RFPL2: variants seen among roughly 807,000 people sequenced by gnomAD.
RFPL2 encodes the protein ret finger protein like 2, also known as ret finger protein-like 2.
RFPL2 carries 13 observed loss-of-function variants against 17.8 expected under a neutral mutation model. The ratio of observed to expected loss-of-function variants is 0.73; its 90% CI spans 0.47 to 1.16. RFPL2 has a LOEUF of 1.16. Among genes scored for constraint, RFPL2 ranks in the 50% most tolerant of loss-of-function variants. The pLI is 0.00. For synonymous variants in RFPL2, 189 were observed against 180.9 expected (o/e 1.04, Z -0.36); for missense variants, 431 against 479.3 (o/e 0.90, Z 0.94).
intron 2 of RFPL2, among the ~76,000 whole-genome samples, chr22:32,197,774 A>G (rs1923503409): frequency 6.6e-6 from 1 of 152,184 alleles, no homozygotes; most frequent in African/African-American, 2.4e-5. Flanking sequence ...TCCATGGTGC[A>G]TATGTACCAC....
intron 1 of RFPL2, among the ~76,000 whole-genome samples, 177 bp downstream of exon 1, chr22:32,204,530 T>C (rs1240747965): frequency 6.6e-6 from 1 of 151,320 alleles, no homozygotes; most frequent in Middle Eastern, 3.2e-3. Context: ...ATCCAACCTG[T>C]CCCCCTCCCC....
chr22:32,190,549 A>G lies in RFPL2; in HGVS notation c.*223T>C, dbSNP rs564211823. 3.2e-4 allele frequency: 132 copies of G among 417,312 alleles called. No homozygotes were observed. The highest frequency in any genetic ancestry group is 1.9e-3 in the Middle Eastern group (3 of 1,608). The allele number at this position is 417,312 out of a possible 1,614,324, so 25.9% of individuals were successfully genotyped here. A position where few individuals can be genotyped will look rare whatever the true frequency, so the allele number is the denominator to read the frequency against. On this transcript the variant is annotated 3_prime_UTR_variant, in exon 5 of 5. Transcript: ENST00000652607. The stretch of plus-strand genomic sequence containing the variant: ...TGATCCCAGAATACAGGACATTTCT[A>G]TAGGAAACAAGATGTGAACCATAGG...
Position 32,194,985 on chromosome 22 carries a change from A to G in RFPL2, c.120-495T>C, listed in dbSNP as rs939788137. On this transcript the variant is annotated intron_variant, in intron 2 of 4. Transcript: ENST00000652607. ...TGAGTACTTCACAGAGTGTTAAGATAAAAGTCACAATTTAAAAAAAAAGAT... is the reference window on the plus strand; with the variant it reads ...TGAGTACTTCACAGAGTGTTAAGATGAAAGTCACAATTTAAAAAAAAAGAT... Among the ~76,000 whole-genome samples, 4 of 152,222 alleles carry G rather than the reference A, an allele frequency of 2.6e-5. 1 individual carries two copies. The highest frequency in any genetic ancestry group is 5.9e-5 in the Non-Finnish European group (4 of 68,040).
At chr22:32,198,898 C>T (rs1308230130) in intron 2 of RFPL2, among the ~76,000 whole-genome samples, 1 of 152,130 alleles carries the variant, frequency 6.6e-6, no homozygotes, top group African/African-American at 2.4e-5. Flanking sequence ...TTCTGTCCTC[C>T]CCCGTCTGGG....
chr22:32,191,275 G>T lies in RFPL2; in HGVS notation c.634C>A (p.Arg212Ser), dbSNP rs771753433. 6.9e-5 allele frequency: 111 copies of T among 1,613,808 alleles called. No homozygotes were observed. The highest frequency in any genetic ancestry group is 8.6e-5 in the Non-Finnish European group (101 of 1,179,870). Residue 212 changes from arginine to serine, a missense_variant, in exon 5 of 5, where the codon CGC (arginine) becomes AGC (serine). By Grantham distance (110) the Arg-to-Ser change is moderately radical. Transcript: ENST00000652607. Reference sequence around the variant, plus strand: ...AGGTCTTGCCGATTCTGTCTGATGCGCCCACTTCGGACGCTCCTGAGGTCG... The same window carrying T: ...AGGTCTTGCCGATTCTGTCTGATGCTCCCACTTCGGACGCTCCTGAGGTCG... ...SDDLRSVRSGRIRQNRQDLAE... is the reference protein window; with the variant it reads ...SDDLRSVRSGSIRQNRQDLAE...
chr22:32,194,656 C>T (rs1923133001), intron 2 of RFPL2, among the ~76,000 whole-genome samples, 166 bp from the exon 3 acceptor site: 1 of 152,116 alleles, frequency 6.6e-6, no homozygotes, highest in Admixed American at 6.5e-5. Context: ...ACTTCAAAAG[C>T]TTATTTTAGA....
chr22:32,200,980 A>G lies in RFPL2; in HGVS notation c.119+1353T>C, dbSNP rs1220016183. Reference sequence around the variant, plus strand: ...AGGTGGCTCAGGATGCTTGTGAAAGATAGTATCTGAGCTCCGCAGGAAACA... The same window carrying G: ...AGGTGGCTCAGGATGCTTGTGAAAGGTAGTATCTGAGCTCCGCAGGAAACA... On this transcript the variant is annotated intron_variant, in intron 2 of 4. Coordinates refer to ENST00000652607, the MANE Select transcript of RFPL2 (RefSeq NM_001394555.1). Among the ~76,000 whole-genome samples the G allele has an allele frequency of 2.0e-5, 3 of 151,732 alleles. No homozygotes were observed. In the East Asian group the frequency reaches 5.8e-4, roughly 29 times the overall value.
In RFPL2 at chr22:32,191,296, G is replaced by C; in HGVS notation, c.613C>G (p.Leu205Val). 2 of 1,613,922 alleles carry C rather than the reference G, an allele frequency of 1.2e-6. No individual in the cohort carries two copies. The highest frequency in any genetic ancestry group is 1.7e-6 in the Non-Finnish European group (2 of 1,179,838). The change falls in exon 5 of 5, where the codon CTC becomes GTC. Residue 205 changes from leucine to valine, a missense_variant. Physicochemically the swap from Leu to Val is conservative, Grantham distance 32 (BLOSUM62 1). Coordinates refer to ENST00000652607, the MANE Select transcript of RFPL2 (RefSeq NM_001394555.1). The stretch of plus-strand genomic sequence containing the variant: ...ATGCGCCCACTTCGGACGCTCCTGA[G>C]GTCGTCAGAAATGAGGAGGAAGTTG... ...ANNFLLISDD[L>V]RSVRSGRIRQ...
chr22:32,191,397 A>G (rs1484979913), intron 4 of RFPL2, 45 bp from the exon 5 acceptor site: 6 of 1,560,298 alleles, frequency 3.8e-6, no homozygotes, highest in Non-Finnish European at 5.2e-6. Flanking sequence ...ACAGAAACCA[A>G]CCCTATGCCT....
At chr22:32,193,883 AAAAG>A (rs1432798721) in intron 3 of RFPL2, among the ~76,000 whole-genome samples, 3 of 150,780 alleles carry the variant, frequency 2.0e-5, no homozygotes, top group African/African-American at 7.3e-5. Flanking sequence ...AAAAAAAAAA[AAAAG>A]AGGGGCTGGA....
At chr22:32,203,809 C>T (rs1924233632) in intron 1 of RFPL2, among the ~76,000 whole-genome samples, 2 of 151,786 alleles carry the variant, frequency 1.3e-5, no homozygotes, top group African/African-American at 4.8e-5. Flanking sequence ...CTCAACAAGC[C>T]CCTCCACTGA....
chr22:32,190,708 G>A lies in RFPL2; in HGVS notation c.*64C>T, dbSNP rs185044441. 306 of 1,452,496 alleles carry A rather than the reference G, an allele frequency of 2.1e-4. 1 individual carries two copies. In the East Asian group the frequency reaches 6.0e-3, roughly 28 times the overall value. 90.0% of individuals were successfully genotyped at this position (1,452,496 alleles called of 1,614,324 possible). ...GTATAATGCTTTTACGAAGTAGAGC[G>A]TTCCTAAGTCTACCCACCCAAGTAA... On this transcript the variant is annotated 3_prime_UTR_variant, in exon 5 of 5. Transcript: ENST00000652607.
In RFPL2 at chr22:32,193,790, G is replaced by C. The variant is rs192183714; in HGVS notation, c.265+555C>G. Among the ~76,000 whole-genome samples, 8 of 150,590 alleles carry C rather than the reference G, an allele frequency of 5.3e-5. No homozygotes were observed. In the East Asian group the frequency reaches 1.6e-3, roughly 30 times the overall value. ...AGGCAGGAGAATCACTTGAACCTGG[G>C]AGGCAGAGGTTGCAGTGAGCCGAGA... On this transcript the variant is annotated intron_variant, in intron 3 of 4. Coordinates refer to ENST00000652607, the MANE Select transcript of RFPL2 (RefSeq NM_001394555.1).
Position 32,199,375 on chromosome 22 carries a change from A to T in RFPL2, c.119+2958T>A, listed in dbSNP as rs1159113687. ...GAAAAACTGTAGATAAGACCTAAAC[A>T]CAGAGGGTCTCTAACCGGACTCCAC... On this transcript the variant is annotated intron_variant, in intron 2 of 4. Coordinates refer to ENST00000652607, the MANE Select transcript of RFPL2 (RefSeq NM_001394555.1). Among the ~76,000 whole-genome samples, 9 of 152,266 alleles carry T rather than the reference A, an allele frequency of 5.9e-5. No individual in the cohort carries two copies. The East Asian group carries it at 1.7e-3, about 29-fold the overall frequency.
rs1201701385 is a variant in RFPL2 at position 32,202,674 on chromosome 22, C to A, written c.-99-124G>T. ...TTCAAAGTCCAGCCTCTCCTTTTAG[C>A]GCAAGCTGGCCAGGAACTGCGGCCT... On this transcript the variant is annotated intron_variant, in intron 1 of 4. Transcript: ENST00000652607. 2.9e-6 allele frequency: 4 copies of A among 1,357,286 alleles called. No individual in the cohort carries two copies. In the African/African-American group the frequency reaches 4.4e-5, roughly 15 times the overall value. The allele number at this position is 1,357,286 out of a possible 1,614,324, so 84.1% of individuals were successfully genotyped here. A position where few individuals can be genotyped will look rare whatever the true frequency, so the allele number is the denominator to read the frequency against.
At chr22:32,197,578 C>A (rs145034284) in intron 2 of RFPL2, among the ~76,000 whole-genome samples, 81 of 152,210 alleles carry the variant, frequency 5.3e-4, no homozygotes, top group Admixed American at 1.4e-3. Flanking sequence ...CCACGACAGG[C>A]CCTGGTGTGT....
intron 1 of RFPL2, chr22:32,203,039 C>T: frequency 7.1e-6 from 7 of 985,752 alleles, no homozygotes; most frequent in Non-Finnish European, 8.4e-6. Flanking sequence ...AGGAGGTGGC[C>T]GGGAAGAGGA....
At chr22:32,198,287 G>A (rs984849583) in intron 2 of RFPL2, among the ~76,000 whole-genome samples, 2 of 152,142 alleles carry the variant, frequency 1.3e-5, no homozygotes, top group African/African-American at 4.8e-5. Context: ...CTGGGCCACA[G>A]TCAAAGGGAA....
At chr22:32,194,276 T>C in intron 3 of RFPL2, 69 bp downstream of exon 3, 1 of 1,531,778 alleles carries the variant, frequency 6.5e-7, no homozygotes, top group Non-Finnish European at 8.8e-7. Flanking sequence ...CTCTCATTCA[T>C]CCCCCCAAGT....
Sources: allele counts gnomAD v4.1 joint callset (sites outside exome capture counted in the v4.1 genomes callset), GRCh38; gene constraint gnomAD v4.1.1; transcripts MANE v1.5; gene names NCBI Gene and HGNC (gene_info 2026-07-23, HGNC 2026-07-21).